The following PCMTD1 variants were observed in gnomAD, a reference collection of about 807,000 sequenced individuals.
PCMTD1 encodes the protein protein-L-isoaspartate (D-aspartate) O-methyltransferase domain containing 1.
In PCMTD1, 12 loss-of-function variants were observed where a neutral mutation model predicts 37.6. The observed-to-expected ratio is 0.32, with a 90% CI of 0.20 to 0.52. PCMTD1 has a LOEUF of 0.52. Ranked by LOEUF, PCMTD1 falls within the 20% of genes least tolerant of loss-of-function variation. The pLI is 0.97. For missense variants in PCMTD1, 235 were observed against 421.3 expected, an observed-to-expected ratio of 0.56 and a Z score of 3.87; for synonymous variants, 117 against 135.8, an observed-to-expected ratio of 0.86 and a Z score of 0.96.
At chr8:51,827,489 A>G in intron 5 of PCMTD1, 1 of 314,460 alleles carries the variant, frequency 3.2e-6, no homozygotes, top group South Asian at 2.6e-5. Context: ...TCTGTCTACC[A>G]TTTCCTCACC....
chr8:51,890,745 T>C (rs574373831), intron 1 of PCMTD1, among the ~76,000 whole-genome samples: 2 of 152,192 alleles, frequency 1.3e-5, no homozygotes, highest in Non-Finnish European at 2.9e-5. Context: ...CTTGGCAGTA[T>C]AAATGTAGAA....
intron 1 of PCMTD1, among the ~76,000 whole-genome samples, chr8:51,892,526 C>CT (rs951496613): frequency 1.3e-5 from 2 of 152,232 alleles, no homozygotes; most frequent in African/African-American, 4.8e-5. Flanking sequence ...AGCTTTCAAA[C>CT]TTTATTTTCC....
At chr8:51,822,025 G>A (rs951172183) in intron 5 of PCMTD1, among the ~76,000 whole-genome samples, 20 of 152,292 alleles carry the variant, frequency 1.3e-4, no homozygotes, top group African/African-American at 4.3e-4. Flanking sequence ...GTGAGCCACC[G>A]TGCCTGGCCC....
intron 1 of PCMTD1, among the ~76,000 whole-genome samples, chr8:51,872,292 C>A (rs1164048687): frequency 6.6e-6 from 1 of 152,176 alleles, no homozygotes; most frequent in African/African-American, 2.4e-5. Context: ...ATTACCAACA[C>A]CCTCTACATG....
intron 1 of PCMTD1, among the ~76,000 whole-genome samples, chr8:51,883,548 A>T (rs1236032569): frequency 2.0e-5 from 3 of 152,216 alleles, no homozygotes; most frequent in Admixed American, 6.5e-5. Flanking sequence ...CAAAAGAGTA[A>T]ACAGTTTTAT....
At chr8:51,862,674 C>A (rs1042872564) in intron 1 of PCMTD1, among the ~76,000 whole-genome samples, 6 of 152,084 alleles carry the variant, frequency 3.9e-5, no homozygotes, top group African/African-American at 1.4e-4. Flanking sequence ...CTCAAGTATC[C>A]CCAGGGTCCT....
Position 51,831,517 on chromosome 8 carries a change from G to C in PCMTD1, c.633C>G (p.Ile211Met). The change falls in exon 5 of 6, where the codon ATC (isoleucine) becomes ATG (methionine). Residue 211 changes from isoleucine to methionine, a missense_variant. This residue lies in a region of PCMTD1 where 183 missense variants were observed against 349.3 expected (regional missense o/e 0.52). Transcript: ENST00000522514. ...CAAGTGGAGCAAATGAAACAGCAAG[G>C]ATATTTTTACTTTCCCAAGTGTTCT... Reference protein sequence around the residue: ...TGQNTWESKNILAVSFAPLVQ... With the variant: ...TGQNTWESKNMLAVSFAPLVQ... The C allele has an allele frequency of 6.2e-7, 1 of 1,613,518 alleles. No individual in the cohort carries two copies. The highest frequency in any genetic ancestry group is 8.5e-7 in the Non-Finnish European group (1 of 1,179,696).
At chr8:51,840,611 C>A (rs1330711805) in intron 3 of PCMTD1, among the ~76,000 whole-genome samples, 1 of 151,826 alleles carries the variant, frequency 6.6e-6, no homozygotes, top group Non-Finnish European at 1.5e-5. Flanking sequence ...AAGTGTAATT[C>A]TCATAAAGAT....
rs1201250464 is a variant in PCMTD1 at position 51,818,741 on chromosome 8, C to G, written c.*1610G>C. 3 of 152,328 alleles carry G rather than the reference C, an allele frequency of 2.0e-5. No individual in the cohort carries two copies. The highest frequency in any genetic ancestry group is 4.4e-5 in the Non-Finnish European group (3 of 68,068). 9.4% of individuals were successfully genotyped at this position (152,328 alleles called of 1,614,324 possible). Reference sequence around the variant, plus strand: ...GTCTTTCACATAACTAAAATATCCTCACTTACTTGGAACAATTTCATGCTT... The same window carrying G: ...GTCTTTCACATAACTAAAATATCCTGACTTACTTGGAACAATTTCATGCTT... On this transcript the variant is annotated 3_prime_UTR_variant, in exon 6 of 6. Transcript: ENST00000522514.
In PCMTD1 at chr8:51,880,228, G is replaced by A. The variant is rs1204423077; in HGVS notation, c.-96+18702C>T. Among the ~76,000 whole-genome samples the A allele has an allele frequency of 5.9e-5, 9 of 151,696 alleles. No individual in the cohort carries two copies. In the East Asian group the frequency reaches 1.7e-3, roughly 29 times the overall value. ...TTAATGAAAAAAAAAAGAGGGGAGGGGGGCAGAGGAGACAATAGGTATTTG... is the reference window on the plus strand; with the variant it reads ...TTAATGAAAAAAAAAAGAGGGGAGGAGGGCAGAGGAGACAATAGGTATTTG... On this transcript the variant is annotated intron_variant, in intron 1 of 5. Transcript: ENST00000522514.
intron 1 of PCMTD1, among the ~76,000 whole-genome samples, chr8:51,891,256 A>C (rs1177743947): frequency 6.6e-6 from 1 of 152,184 alleles, no homozygotes; most frequent in East Asian, 1.9e-4. Flanking sequence ...TACCACCCTA[A>C]AAATAAATGA....
chr8:51,877,487 G>A lies in PCMTD1; in HGVS notation c.-95-16241C>T, dbSNP rs962868222. Among the ~76,000 whole-genome samples the A allele has an allele frequency of 3.3e-5, 5 of 152,228 alleles. No individual in the cohort carries two copies. In the South Asian group the frequency reaches 1.0e-3, roughly 31 times the overall value. On this transcript the variant is annotated intron_variant, in intron 1 of 5. Transcript: ENST00000522514. ...CTAGGGCAAATATTTAGGCTAAATT[G>A]TGGGAGCTAAGAACATAAAGTACAT...
chr8:51,846,760 G>A (rs1036001253), intron 2 of PCMTD1, among the ~76,000 whole-genome samples: 3 of 152,120 alleles, frequency 2.0e-5, no homozygotes, highest in Admixed American at 2.0e-4. Flanking sequence ...ATCATAAATT[G>A]TCATGTTTGA....
intron 4 of PCMTD1, among the ~76,000 whole-genome samples, chr8:51,832,399 T>A (rs1585791929): frequency 6.6e-6 from 1 of 152,206 alleles, no homozygotes; most frequent in East Asian, 1.9e-4. Flanking sequence ...AATGACTTGC[T>A]ACAGAGCACA....
At chr8:51,870,219 C>T (rs2038618893) in intron 1 of PCMTD1, 1 of 152,192 alleles carries the variant, frequency 6.6e-6, no homozygotes, top group Non-Finnish European at 1.5e-5. Flanking sequence ...GGACTAAGCT[C>T]ACCCAGCTCT....
chr8:51,847,386 G>A (rs751594206), intron 2 of PCMTD1, among the ~76,000 whole-genome samples: 12 of 152,110 alleles, frequency 7.9e-5, no homozygotes, highest in Non-Finnish European at 1.8e-4. Flanking sequence ...CAGCACTTTG[G>A]GAGGCCAAGG....
intron 2 of PCMTD1, among the ~76,000 whole-genome samples, chr8:51,857,064 G>C (rs1243298887): frequency 2.0e-5 from 3 of 152,248 alleles, no homozygotes; most frequent in African/African-American, 7.2e-5. Flanking sequence ...TGAGGTCAAA[G>C]GCAATATAGG....
intron 2 of PCMTD1, among the ~76,000 whole-genome samples, chr8:51,846,096 C>G (rs551372131): frequency 2.0e-5 from 3 of 152,304 alleles, no homozygotes; most frequent in Non-Finnish European, 4.4e-5. Flanking sequence ...GTTTAAGTTA[C>G]TTGCTATTAT....
chr8:51,836,427 T>TA (rs537664667), intron 3 of PCMTD1, among the ~76,000 whole-genome samples: 1 of 152,212 alleles, frequency 6.6e-6, no homozygotes, highest in Non-Finnish European at 1.5e-5. Flanking sequence ...TTTTACTTAA[T>TA]AAAGAGTTGC....
Sources: gnomAD v4.1 joint callset for allele counts (sites outside exome capture counted in the v4.1 genomes callset) on GRCh38, gnomAD v4.1.1 for gene constraint, gnomAD v4.1.1 regional missense constraint, MANE v1.5 for transcripts, NCBI Gene and HGNC (gene_info 2026-07-23, HGNC 2026-07-21) for gene names.